The following KCNH2 variants were observed in gnomAD, a reference collection of about 807,000 sequenced individuals.
KCNH2 encodes voltage-gated inwardly rectifying potassium channel KCNH2.
KCNH2 carries 35 observed loss-of-function variants against 95.9 expected under a neutral mutation model. The ratio of observed to expected loss-of-function variants is 0.37; its 90% CI spans 0.28 to 0.48. The LOEUF (loss-of-function observed/expected upper bound fraction) is 0.48, where lower values mean the gene tolerates loss of function less well. KCNH2 is among the 20% of genes least tolerant of loss of function. The probability of loss-of-function intolerance (pLI) is 0.99; values close to 1 mark genes in which losing one functional copy is unlikely to be tolerated. For synonymous variants in KCNH2, 786 were observed against 754.7 expected (o/e 1.04, Z -0.68); for missense variants, 1,274 against 1,702.9 (o/e 0.75, Z 4.43).
rs1300618190 is a variant in KCNH2 at position 150,958,353 on chromosome 7, C to T, written c.622G>A (p.Glu208Lys). 1.3e-6 allele frequency: 2 copies of T among 1,487,208 alleles called. No homozygotes were observed. The highest frequency in any genetic ancestry group is 1.8e-6 in the Non-Finnish European group (2 of 1,126,132). 92.1% of individuals were successfully genotyped at this position (1,487,208 alleles called of 1,614,324 possible). A position where few individuals can be genotyped will look rare whatever the true frequency, so the allele number is the denominator to read the frequency against. Residue 208 changes from glutamate (E) to lysine (K), a missense_variant, in exon 4 of 15, where the codon GAG (glutamate) becomes AAG (lysine). Glu to Lys is a moderately conservative substitution (Grantham distance 56). Transcript: ENST00000262186. Reference protein sequence around the residue: ...VDLTPAAPSSESLALDEVTAM... With the variant: ...VDLTPAAPSSKSLALDEVTAM... ...GTCACTTCGTCCAGGGCCAGCGACTCGCTGCTGGGTGCCGCGGGCGTCAGG... is the reference window on the plus strand; with the variant it reads ...GTCACTTCGTCCAGGGCCAGCGACTTGCTGCTGGGTGCCGCGGGCGTCAGG...
intron 2 of KCNH2, among the ~76,000 whole-genome samples, chr7:150,971,725 A>G (rs1174926906): frequency 6.6e-6 from 1 of 151,666 alleles, no homozygotes; most frequent in African/African-American, 2.4e-5. Flanking sequence ...GCAGAAGACA[A>G]AGGCAAGGAG....
intron 9 of KCNH2, chr7:150,949,677 G>A: frequency 1.7e-6 from 2 of 1,145,602 alleles, no homozygotes; most frequent in Non-Finnish European, 2.2e-6. Flanking sequence ...AGGCAAAGGG[G>A]GAGGAAGTCC....
At chr7:150,972,108 C>T (rs1054980957) in intron 2 of KCNH2, among the ~76,000 whole-genome samples, 3 of 152,204 alleles carry the variant, frequency 2.0e-5, no homozygotes, top group Admixed American at 6.5e-5. Context: ...CACACTCCCC[C>T]AGTCTAGCCT....
Position 150,948,453 on chromosome 7 carries a change from TGC to T in KCNH2, c.2681_2682del (p.Arg894HisfsTer25). ...CCCTCCCCCGCCTCACCCTTGTCCG[TGC>T]GCCTGCGGAAGGACAACTTGCGCTT... Reference protein sequence around the residue: ...QRKRKLSFRRRTDKDTEQPGE... With the variant: ...QRKRKLSFRRXTDKDTEQPGE... On this transcript the variant is annotated frameshift_variant, in exon 11 of 15. Transcript: ENST00000262186. LOFTEE classifies it high-confidence loss of function. The T allele has an allele frequency of 7.4e-7, 1 of 1,349,242 alleles. No homozygotes were observed. The highest frequency in any genetic ancestry group is 1.0e-6 in the Non-Finnish European group (1 of 988,998). 83.6% of individuals were successfully genotyped at this position (1,349,242 alleles called of 1,614,324 possible). A position where few individuals can be genotyped will look rare whatever the true frequency, so the allele number is the denominator to read the frequency against.
Position 150,977,935 on chromosome 7 carries a change from G to C in KCNH2, c.-22C>G, listed in dbSNP as rs755017961. 150 of 1,572,378 alleles carry C rather than the reference G, an allele frequency of 9.5e-5. No homozygotes were observed. Among genetic ancestry groups the C allele is most frequent in the Non-Finnish European group, 1.2e-4 (140 of 1,160,490 alleles). On this transcript the variant is annotated 5_prime_UTR_variant, in exon 1 of 15. Coordinates refer to ENST00000262186, the MANE Select transcript of KCNH2 (RefSeq NM_000238.4). ...GCATCCTGAGCCCATGGGCGGGCCG[G>C]GCGGGCCCCCACCCACCCCGGCCCG...
chr7:150,974,945 G>A lies in KCNH2; in HGVS notation c.77-4C>T, dbSNP rs1584883545. On this transcript the variant is annotated splice_region_variant and splice_polypyrimidine_tract_variant and intron_variant, in intron 1 of 14. Transcript: ENST00000262186. ...TTGGCGATGATGAACTTACGGCCTAGGGGGGCGGGGAGGAGAGTGCGCGTG... is the reference window on the plus strand; with the variant it reads ...TTGGCGATGATGAACTTACGGCCTAAGGGGGCGGGGAGGAGAGTGCGCGTG... 7 of 1,588,546 alleles carry A rather than the reference G, an allele frequency of 4.4e-6. No individual in the cohort carries two copies. The highest frequency in any genetic ancestry group is 5.1e-6 in the Non-Finnish European group (6 of 1,168,786).
chr7:150,965,442 C>T (rs1801677365), intron 2 of KCNH2, among the ~76,000 whole-genome samples: 4 of 152,158 alleles, frequency 2.6e-5, no homozygotes, highest in Admixed American at 2.6e-4. Flanking sequence ...CACCCGCTGC[C>T]CTCCTGCTGA....
At position 150,952,997 on chromosome 7, in the gene KCNH2, G is replaced by A. The variant is rs895006083; in HGVS notation, c.1129-144C>T. On this transcript the variant is annotated intron_variant, in intron 5 of 14. Coordinates refer to ENST00000262186, the MANE Select transcript of KCNH2 (RefSeq NM_000238.4). The surrounding 1 kb of genome is among the most constrained non-coding windows in gnomAD (Gnocchi z 7.3). ...CAGAATGCCCACCCCTCAGCCAAGC[G>A]ACCACAGCAAATGGCCACCCCCAGG... The A allele has an allele frequency of 1.9e-5, 15 of 785,414 alleles. No homozygotes were observed. The highest frequency in any genetic ancestry group is 5.4e-5 in the East Asian group (2 of 37,374). The allele number at this position is 785,414 out of a possible 1,614,324, so 48.7% of individuals were successfully genotyped here.
At chr7:150,955,353 G>T in intron 5 of KCNH2, 1 of 1,532,504 alleles carries the variant, frequency 6.5e-7, no homozygotes, top group Non-Finnish European at 8.8e-7. Context: ...CTGCCTCAGT[G>T]TGCCGGCCCC....
chr7:150,955,319 A>T, intron 5 of KCNH2: 1 of 1,395,104 alleles, frequency 7.2e-7, no homozygotes, highest in East Asian at 2.5e-5. Context: ...CCCAGCCTGG[A>T]GTCAGAGCCC....
intron 5 of KCNH2, chr7:150,955,255 A>G: frequency 1.2e-6 from 1 of 857,942 alleles, no homozygotes. Flanking sequence ...GGCGCGGGTG[A>G]GCAGGGCCAG....
In KCNH2 at chr7:150,961,861, C is replaced by T. The variant is rs73470581; in HGVS notation, c.308-2125G>A. ...ATGCATGGCAGATGCTGGCCAGGCT[C>T]GGGGATTCTAACCCGCTGGGGATTC... On this transcript the variant is annotated intron_variant, in intron 2 of 14. Transcript: ENST00000262186. The surrounding 1 kb of genome is among the most constrained non-coding windows in gnomAD (Gnocchi z 6.2). Among the ~76,000 whole-genome samples the T allele has an allele frequency of 5.9e-3, 904 of 152,244 alleles. 15 individuals are homozygous for T. The highest frequency in any genetic ancestry group is 0.021 in the African/African-American group (866 of 41,536).
chr7:150,945,097 G>A lies in KCNH2; in HGVS notation c.*268C>T, dbSNP rs947572405. The A allele has an allele frequency of 7.8e-5, 38 of 486,940 alleles. No individual in the cohort carries two copies. Among genetic ancestry groups the A allele is most frequent in the African/African-American group, 1.3e-4 (7 of 52,246 alleles). The allele number at this position is 486,940 out of a possible 1,614,324, so 30.2% of individuals were successfully genotyped here. A position where few individuals can be genotyped will look rare whatever the true frequency, so the allele number is the denominator to read the frequency against. On this transcript the variant is annotated 3_prime_UTR_variant, in exon 15 of 15. Coordinates refer to ENST00000262186, the MANE Select transcript of KCNH2 (RefSeq NM_000238.4). The surrounding 1 kb of genome is among the most constrained non-coding windows in gnomAD (Gnocchi z 5.6). ...CTTGAGGTGCCTAAGGCCCAGGGCC[G>A]GGTGCCTCCGGGCAGTTAGACCAGC...
chr7:150,958,638 C>A, intron 3 of KCNH2, 136 bp from the exon 4 acceptor site: 1 of 595,332 alleles, frequency 1.7e-6, no homozygotes, highest in Non-Finnish European at 2.6e-6. Context: ...CTTCCATTCA[C>A]AATATTTTGA....
chr7:150,955,862 C>G lies in KCNH2; in HGVS notation c.1128+1429G>C, dbSNP rs1386567202. 8.9e-6 allele frequency: 9 copies of G among 1,015,746 alleles called. No homozygotes were observed. In the African/African-American group the frequency reaches 1.1e-4, roughly 12 times the overall value. 62.9% of individuals were successfully genotyped at this position (1,015,746 alleles called of 1,614,324 possible). On this transcript the variant is annotated intron_variant, in intron 5 of 14. Coordinates refer to ENST00000262186, the MANE Select transcript of KCNH2 (RefSeq NM_000238.4). ...CTACCAGGTCCCCACCCCCACCCCG[C>G]CACACTAGGCTCCCCCGCCCCGCCG...
chr7:150,958,577 C>T, intron 3 of KCNH2, 75 bp from the exon 4 acceptor site: 1 of 1,280,272 alleles, frequency 7.8e-7, no homozygotes, highest in South Asian at 1.6e-5. Context: ...GGAAATGGAC[C>T]CCCAGCCGCT....
At position 150,950,311 on chromosome 7, in the gene KCNH2, C is replaced by T. The variant is rs121912512; in HGVS notation, c.2255G>A (p.Arg752Gln). The T allele has an allele frequency of 1.2e-6, 2 of 1,613,658 alleles. No individual in the cohort carries two copies. The highest frequency in any genetic ancestry group is 2.7e-5 in the African/African-American group (2 of 74,934). Reference protein sequence around the residue: ...PFRGATKGCLRALAMKFKTTH... With the variant: ...PFRGATKGCLQALAMKFKTTH... ...GGTCTTGAACTTCATGGCCAGGGCC[C>T]GAAGGCAGCCCTTGGTGGCCCCTCG... is the stretch of plus-strand genomic sequence containing the variant. Residue 752 changes from arginine to glutamine, a missense_variant, in exon 9 of 15, where the codon CGG (arginine) becomes CAG (glutamine). By Grantham distance (43) the Arg-to-Gln change is conservative. Around this residue, in one of 7 missense-constraint regions of KCNH2, gnomAD observed 159 missense variants for 282.5 expected, o/e 0.56. Transcript: ENST00000262186.
rs2116962228 is a variant in KCNH2, at chr7:150,951,663, GGCTGCT to G, written c.1724_1729del (p.Glu575_Pro577delinsAla). 6.2e-7 allele frequency: 1 copy of G among 1,614,250 alleles called. No individual in the cohort carries two copies. Among genetic ancestry groups the G allele is most frequent in the Non-Finnish European group, 8.5e-7 (1 of 1,180,042 alleles). ...CCAGCCGATGCGTGAGTCCATGTGT[GGCTGCT>G]CCATGTTGCCGATGGCGTACCAGAT... On this transcript the variant is annotated inframe_deletion, in exon 7 of 15. Transcript: ENST00000262186.
chr7:150,947,830 C>T lies in KCNH2; in HGVS notation c.2741G>A (p.Gly914Glu). The T allele has an allele frequency of 6.6e-7, 1 of 1,525,296 alleles. No homozygotes were observed. The highest frequency in any genetic ancestry group is 8.8e-7 in the Non-Finnish European group (1 of 1,142,134). 94.5% of individuals were successfully genotyped at this position (1,525,296 alleles called of 1,614,324 possible). Residue 914 changes from glycine (G) to glutamate (E), a missense_variant, in exon 12 of 15, where the codon GGG (glycine) becomes GAG (glutamate). Transcript: ENST00000262186. Reference sequence around the variant, plus strand: ...CCGGCCCCGGCTACTCGGCCCTGCCCCCGCCCGGCCCGGCCCCAAGGCCGA... The same window carrying T: ...CCGGCCCCGGCTACTCGGCCCTGCCTCCGCCCGGCCCGGCCCCAAGGCCGA... The part of the protein sequence containing the change: ...EVSALGPGRA[G>E]AGPSSRGRPG...
Sources: allele counts gnomAD v4.1 joint callset (sites outside exome capture counted in the v4.1 genomes callset), GRCh38; gene constraint gnomAD v4.1.1; regional missense constraint gnomAD v4.1.1; non-coding constraint Gnocchi (gnomAD v3.1); transcripts MANE v1.5; gene names NCBI Gene and HGNC (gene_info 2026-07-23, HGNC 2026-07-21).